Variants in DENND4A observed in about 807,000 individuals in gnomAD.
The protein encoded by DENND4A is C-myc promoter-binding protein.
DENND4A carries 70 observed loss-of-function variants against 199.3 expected under a neutral mutation model. The ratio of observed to expected loss-of-function variants is 0.35; its 90% CI spans 0.29 to 0.43. The LOEUF (loss-of-function observed/expected upper bound fraction) is 0.43. Among genes scored for constraint, DENND4A ranks in the 20% least tolerant of loss-of-function variants. DENND4A has a pLI of 1.00. For missense variants in DENND4A, 1,723 were observed against 2,255.8 expected (o/e 0.76, Z 4.78); for synonymous variants, 686 against 766.9 (o/e 0.89, Z 1.74).
intron 1 of DENND4A, among the ~76,000 whole-genome samples, chr15:65,791,599 C>A (rs546733294): frequency 6.6e-6 from 1 of 152,162 alleles, no homozygotes; most frequent in Non-Finnish European, 1.5e-5. Flanking sequence ...CGGGCTCCCC[C>A]CGCCGCCTGT....
Position 65,691,078 on chromosome 15 carries a change from A to G in DENND4A, c.3516T>C (p.Ser1172=). 6.2e-7 allele frequency: 1 copy of G among 1,613,180 alleles called. No homozygotes were observed. The highest frequency in any genetic ancestry group is 8.5e-7 in the Non-Finnish European group (1 of 1,179,604). The change falls in exon 23 of 33, where the codon AGT becomes AGC. Residue 1172 remains serine, a synonymous_variant. Transcript: ENST00000443035. ...PVIFDLEDLD[S]ETDVSKAGCV... ...ATCCTGCTTTTGATACATCTGTTTC[A>G]CTGTCTAAGTCTTCTAAGTCAAAAA...
intron 1 of DENND4A, chr15:65,767,354 T>C (rs1255828857): frequency 2.0e-5 from 3 of 152,232 alleles, no homozygotes; most frequent in Non-Finnish European, 4.4e-5. Flanking sequence ...TCCATGAGGG[T>C]ACAGATTTTT....
chr15:65,772,705 T>A (rs1392265537), intron 1 of DENND4A, among the ~76,000 whole-genome samples: 1 of 23,700 alleles, frequency 4.2e-5, no homozygotes, highest in Admixed American at 7.7e-4. Flanking sequence ...AGACTCCGTC[T>A]CAAAAAAAAA....
intron 24 of DENND4A, among the ~76,000 whole-genome samples, chr15:65,676,243 AG>A (rs141163793): frequency 0.036 from 5,397 of 151,464 alleles, 330 homozygotes; most frequent in African/African-American, 0.12. Flanking sequence ...TTCTAGGGAT[AG>A]GGAGAAAACA....
At chr15:65,699,240 G>C (rs529169683) in intron 20 of DENND4A, among the ~76,000 whole-genome samples, 2 of 152,190 alleles carry the variant, frequency 1.3e-5, no homozygotes, top group African/African-American at 4.8e-5. Context: ...AAGTAAGACA[G>C]ACCAAAATAA....
intron 1 of DENND4A, among the ~76,000 whole-genome samples, chr15:65,764,747 A>C (rs2076936992): frequency 6.6e-6 from 1 of 152,120 alleles, no homozygotes; most frequent in African/African-American, 2.4e-5. Flanking sequence ...ACCGAGGCAG[A>C]AGGATCACTT....
chr15:65,664,218 A>G, intron 32 of DENND4A, 112 bp downstream of exon 32: 1 of 653,070 alleles, frequency 1.5e-6, no homozygotes, highest in Non-Finnish European at 2.5e-6. Context: ...ATCTACCTTT[A>G]TATAATTACA....
rs1396228876 is a variant in DENND4A at position 65,705,112 on chromosome 15, A to AAAAGTGATAC, written c.2087+969_2087+978dup. 3.4e-4 allele frequency among the ~76,000 whole-genome samples: 52 copies of AAAAGTGATAC among 152,328 alleles called. 1 individual carries two copies. The highest frequency in any genetic ancestry group is 3.4e-3 in the Admixed American group (52 of 15,294). ...AAATATCTTTGACAGAAGACATTTA[A>AAAAGTGATAC]AAAGTGATACAAACATCATCATCAC... On this transcript the variant is annotated intron_variant, in intron 15 of 32. Coordinates refer to ENST00000443035, the MANE Select transcript of DENND4A (RefSeq NM_001320835.1).
intron 21 of DENND4A, 42 bp downstream of exon 21, chr15:65,697,224 TA>T: frequency 8.2e-7 from 1 of 1,220,618 alleles, no homozygotes. Flanking sequence ...TCTATGAATA[TA>T]AGTTCTCAAT....
chr15:65,660,316 C>G lies in DENND4A; in HGVS notation c.*1535G>C, dbSNP rs1290404847. ...TGAAATGTTTCAGCATGGTGCTATT[C>G]ACTAATGGTGTGAACTCAAAAGGTG... On this transcript the variant is annotated 3_prime_UTR_variant, in exon 33 of 33. Coordinates refer to ENST00000443035, the MANE Select transcript of DENND4A (RefSeq NM_001320835.1). 3 of 1,534,602 alleles carry G rather than the reference C, an allele frequency of 2.0e-6. No homozygotes were observed. Among genetic ancestry groups the G allele is most frequent in the Non-Finnish European group, 2.6e-6 (3 of 1,146,024 alleles).
At chr15:65,682,545 A>G (rs2076615714) in intron 23 of DENND4A, among the ~76,000 whole-genome samples, 1 of 152,024 alleles carries the variant, frequency 6.6e-6, no homozygotes, top group African/African-American at 2.4e-5. Flanking sequence ...TATCCAGACC[A>G]CTCAAACTTT....
chr15:65,738,307 G>A (rs1417691777), intron 6 of DENND4A, among the ~76,000 whole-genome samples: 1 of 152,086 alleles, frequency 6.6e-6, no homozygotes, highest in African/African-American at 2.4e-5. Context: ...GCAATTCATT[G>A]AATTTCTCGG....
chr15:65,706,447 A>AACACACACACAC (rs77421887), intron 14 of DENND4A, among the ~76,000 whole-genome samples: 6 of 130,262 alleles, frequency 4.6e-5, no homozygotes, highest in Non-Finnish European at 8.0e-5. Context: ...AGGGGAAAAT[A>AACACACACACAC]ACACACACAC....
intron 7 of DENND4A, among the ~76,000 whole-genome samples, chr15:65,736,834 C>T (rs903246204): frequency 6.6e-6 from 1 of 152,120 alleles, no homozygotes; most frequent in Non-Finnish European, 1.5e-5. Flanking sequence ...TTTAATTAAG[C>T]TAGACATTAG....
rs781718938 is a variant in DENND4A, at chr15:65,671,828, C to T, written c.4428G>A (p.Ala1476=). The T allele has an allele frequency of 9.3e-6, 15 of 1,612,444 alleles. No homozygotes were observed. The highest frequency in any genetic ancestry group is 3.3e-5 in the Admixed American group (2 of 60,014). Reference sequence around the variant, plus strand: ...AGTTCTGGAAGATATTTGTATTACTCGCGTTGAAGGAAGATGTCACTTCTG... The same window carrying T: ...AGTTCTGGAAGATATTTGTATTACTTGCGTTGAAGGAAGATGTCACTTCTG... ...GKSEVTSSFN[A]SNTNIFQNYA... The change falls in exon 25 of 33, where the codon GCG becomes GCA. Residue 1476 remains alanine (A), a synonymous_variant. Coordinates refer to ENST00000443035, the MANE Select transcript of DENND4A (RefSeq NM_001320835.1).
At chr15:65,717,187 C>A (rs1265419207) in intron 13 of DENND4A, among the ~76,000 whole-genome samples, 7 of 151,932 alleles carry the variant, frequency 4.6e-5, no homozygotes, top group Non-Finnish European at 8.8e-5. Flanking sequence ...TTGCATACCA[C>A]TATATATCCA....
intron 1 of DENND4A, among the ~76,000 whole-genome samples, chr15:65,778,294 G>C (rs1407307827): frequency 1.3e-5 from 2 of 151,702 alleles, no homozygotes; most frequent in African/African-American, 4.8e-5. Flanking sequence ...GACCAAAAAG[G>C]GGGTGAGGTT....
At chr15:65,663,309 A>T (rs1167796055) in intron 32 of DENND4A, among the ~76,000 whole-genome samples, 1 of 150,286 alleles carries the variant, frequency 6.7e-6, no homozygotes, top group Non-Finnish European at 1.5e-5. Context: ...TCCTGGGTTC[A>T]AGTGATTCTC....
Position 65,756,412 on chromosome 15 carries a change from A to C in DENND4A, c.39T>G (p.Phe13Leu). The change falls in exon 3 of 33, where the codon TTT (phenylalanine) becomes TTG (leucine). Residue 13 changes from phenylalanine (F) to leucine (L), a missense_variant. By Grantham distance (22) the Phe-to-Leu change is conservative. Transcript: ENST00000443035. ...EDKGPRVADYFVVAGLTDVSK... is the reference protein window; with the variant it reads ...EDKGPRVADYLVVAGLTDVSK... ...AAACATCAGTTAATCCTGCTACAACAAAGTAGTCAGCAACACGAGGCCCCT... is the reference window on the plus strand; with the variant it reads ...AAACATCAGTTAATCCTGCTACAACCAAGTAGTCAGCAACACGAGGCCCCT... 1 of 1,613,062 alleles carries C rather than the reference A, an allele frequency of 6.2e-7. No homozygotes were observed. Among genetic ancestry groups the C allele is most frequent in the Non-Finnish European group, 8.5e-7 (1 of 1,179,576 alleles).
Sources: allele counts gnomAD v4.1 joint callset (sites outside exome capture counted in the v4.1 genomes callset), GRCh38; gene constraint gnomAD v4.1.1; transcripts MANE v1.5; gene names NCBI Gene and HGNC (gene_info 2026-07-23, HGNC 2026-07-21).